TENM2: variants seen among roughly 807,000 people sequenced by gnomAD.
TENM2 encodes the protein teneurin-2.
A neutral mutation model predicts 245.2 loss-of-function variants in TENM2; 52 were observed. That is an observed-to-expected ratio of 0.21 (90% CI 0.17 to 0.27). TENM2 has a LOEUF of 0.27. Ranked by LOEUF, TENM2 falls within the 10% of genes least tolerant of loss-of-function variation. The pLI, the probability that TENM2 is intolerant of heterozygous loss-of-function variation, is 1.00. For missense variants in TENM2, 3,046 were observed against 3,666.8 expected (o/e 0.83, Z 4.37); for synonymous variants, 1,363 against 1,438.9 (o/e 0.95, Z 1.19).
chr5:167,343,180 G>T (rs1018574646), intron 1 of TENM2, among the ~76,000 whole-genome samples: 2 of 152,144 alleles, frequency 1.3e-5, no homozygotes, highest in South Asian at 2.1e-4. Flanking sequence ...TCATTGTGGG[G>T]TTTTTTGCTT....
chr5:167,148,832 G>A, the TENM2 span, among the ~76,000 whole-genome samples: 1 of 152,102 alleles, frequency 6.6e-6, no homozygotes, highest in Non-Finnish European at 1.5e-5. Context: ...ACCATAGTAT[G>A]TGCTCAATAT....
At chr5:167,516,754 C>T (rs1029311134) in intron 2 of TENM2, among the ~76,000 whole-genome samples, 1 of 152,152 alleles carries the variant, frequency 6.6e-6, no homozygotes, top group African/African-American at 2.4e-5. Context: ...GCATCATATT[C>T]AAGAGGCCAG....
At chr5:167,483,236 C>A (rs1767864977) in intron 2 of TENM2, among the ~76,000 whole-genome samples, 1 of 152,162 alleles carries the variant, frequency 6.6e-6, no homozygotes. Flanking sequence ...ATGATAAAGA[C>A]AAACATTGAA....
At chr5:167,733,018 C>T (rs1446177962) in intron 2 of TENM2, among the ~76,000 whole-genome samples, 1 of 152,112 alleles carries the variant, frequency 6.6e-6, no homozygotes, top group Admixed American at 6.6e-5. Flanking sequence ...ATTTTCCTAT[C>T]AGGAAATATT....
At chr5:168,198,788 A>G (rs1562271532) in intron 15 of TENM2, 65 bp from the exon 18 acceptor site, 2 of 1,560,456 alleles carry the variant, frequency 1.3e-6, no homozygotes, top group Non-Finnish European at 1.7e-6. Flanking sequence ...GGGGAGGAGG[A>G]GAGGCATCCT....
chr5:167,335,723 A>G (rs1333158593), intron 1 of TENM2, among the ~76,000 whole-genome samples: 1 of 152,176 alleles, frequency 6.6e-6, no homozygotes, highest in Non-Finnish European at 1.5e-5. Flanking sequence ...CTAATCTTTC[A>G]AAATCCATCC....
At chr5:168,157,515 G>A (rs777886987) in intron 12 of TENM2, among the ~76,000 whole-genome samples, 25 of 152,302 alleles carry the variant, frequency 1.6e-4, no homozygotes, top group South Asian at 4.1e-4. Flanking sequence ...GGCAGTAGGG[G>A]TGGAAGTAGA....
At chr5:167,920,639 AC>A (rs1777301125) in intron 3 of TENM2, among the ~76,000 whole-genome samples, 1 of 152,136 alleles carries the variant, frequency 6.6e-6, no homozygotes, top group African/African-American at 2.4e-5. Context: ...TAGGACACTT[AC>A]ATTCTCACAC....
chr5:167,849,945 G>GT (rs1432634752), intron 2 of TENM2, among the ~76,000 whole-genome samples: 3 of 152,064 alleles, frequency 2.0e-5, no homozygotes, highest in Admixed American at 6.6e-5. Context: ...TATTCGTTTT[G>GT]TTTTTTATGG....
chr5:168,174,684 G>A (rs1407952476), intron 13 of TENM2, among the ~76,000 whole-genome samples: 1 of 152,206 alleles, frequency 6.6e-6, no homozygotes, highest in Non-Finnish European at 1.5e-5. Context: ...ATTCCTCCGA[G>A]CGTGTCAGCC....
intron 2 of TENM2, among the ~76,000 whole-genome samples, chr5:167,573,014 G>A (rs1262229862): frequency 6.6e-6 from 1 of 151,538 alleles, no homozygotes; most frequent in Non-Finnish European, 1.5e-5. Context: ...GAGAAACACC[G>A]TTTAAACTTG....
chr5:167,210,732 G>A, the TENM2 span, among the ~76,000 whole-genome samples: 1 of 151,984 alleles, frequency 6.6e-6, no homozygotes, highest in Non-Finnish European at 1.5e-5. Flanking sequence ...CAAAGTGCTG[G>A]GATTACAGGC....
At chr5:167,212,511 T>C in the TENM2 span, among the ~76,000 whole-genome samples, 3 of 152,182 alleles carry the variant, frequency 2.0e-5, no homozygotes, top group Admixed American at 1.3e-4. Context: ...GCATGAATCT[T>C]TCAAATACAA....
At chr5:167,340,607 G>T (rs1758039014) in intron 1 of TENM2, among the ~76,000 whole-genome samples, 1 of 152,106 alleles carries the variant, frequency 6.6e-6, no homozygotes, top group South Asian at 2.1e-4. Flanking sequence ...CTCCTTAAAG[G>T]CCCGCTCTCC....
intron 2 of TENM2, among the ~76,000 whole-genome samples, chr5:167,403,233 T>C (rs80330917): frequency 2.6e-5 from 4 of 152,190 alleles, no homozygotes; most frequent in Non-Finnish European, 4.4e-5. Context: ...CTAATACATT[T>C]GGGCCATTTG....
intron 2 of TENM2, among the ~76,000 whole-genome samples, chr5:167,775,961 C>A (rs1763735671): frequency 6.6e-6 from 1 of 151,916 alleles, no homozygotes; most frequent in African/African-American, 2.4e-5. Flanking sequence ...TTTTCAAGAG[C>A]AGAGATGGGA....
At chr5:167,899,993 T>A (rs1344867305) in intron 3 of TENM2, among the ~76,000 whole-genome samples, 8 of 151,922 alleles carry the variant, frequency 5.3e-5, no homozygotes, top group Non-Finnish European at 7.4e-5. Context: ...CTCAGTTAGT[T>A]AGTGTGGCAG....
chr5:167,199,815 A>G, the TENM2 span, among the ~76,000 whole-genome samples: 1 of 152,038 alleles, frequency 6.6e-6, no homozygotes, highest in Non-Finnish European at 1.5e-5. Flanking sequence ...TTTTTCTCAC[A>G]TATTTAGTAT....
At chr5:167,414,973 T>G (rs1048038975) in intron 2 of TENM2, among the ~76,000 whole-genome samples, 2 of 152,168 alleles carry the variant, frequency 1.3e-5, no homozygotes, top group Non-Finnish European at 2.9e-5. Flanking sequence ...TGTGTTGTAT[T>G]ATAAGTTTCC....
Sources: gnomAD v4.1 joint callset for allele counts (sites outside exome capture counted in the v4.1 genomes callset) on GRCh38, gnomAD v4.1.1 for gene constraint, MANE v1.5 for transcripts, NCBI Gene and HGNC (gene_info 2026-07-23, HGNC 2026-07-21) for gene names.